C10orf143: variants seen among roughly 807,000 people sequenced by gnomAD.
C10orf143 encodes chromosome 10 open reading frame 143.
chr10:130,048,556 A>G (rs919785181), intron 3 of C10orf143, among the ~76,000 whole-genome samples: 2 of 152,134 alleles, frequency 1.3e-5, no homozygotes, highest in Admixed American at 6.5e-5. Context: ...GATCCATGGG[A>G]GCCCAAAGAA....
intron 3 of C10orf143, among the ~76,000 whole-genome samples, chr10:130,055,584 CAAGAATGTTTGAAAAAATT>C (rs1321269367): frequency 2.6e-5 from 4 of 152,228 alleles, no homozygotes; most frequent in South Asian, 2.1e-4. Context: ...AAAAGTTTGT[CAAGAATGTTTGAAAAAATT>C]AAGAATTATG....
chr10:130,094,619 C>G (rs982062345), intron 1 of C10orf143, among the ~76,000 whole-genome samples: 1 of 152,138 alleles, frequency 6.6e-6, no homozygotes, highest in Non-Finnish European at 1.5e-5. Context: ...GAACCAATGA[C>G]AAAAACCACA....
At chr10:130,058,818 T>G (rs527251856) in intron 3 of C10orf143, among the ~76,000 whole-genome samples, 23 of 149,014 alleles carry the variant, frequency 1.5e-4, no homozygotes, top group African/African-American at 4.2e-4. Context: ...TTTATGTGGG[T>G]TTTTTTTTTG....
intron 3 of C10orf143, among the ~76,000 whole-genome samples, chr10:130,052,915 T>C (rs1342253858): frequency 2.6e-5 from 4 of 152,238 alleles, no homozygotes; most frequent in African/African-American, 9.6e-5. Context: ...GTGGAGGTCA[T>C]TCGTACAGTA....
At chr10:130,097,205 C>A (rs544252393) in intron 1 of C10orf143, among the ~76,000 whole-genome samples, 2 of 152,082 alleles carry the variant, frequency 1.3e-5, no homozygotes, top group South Asian at 4.2e-4. Flanking sequence ...AGTAATTTCC[C>A]CAATGAAGAT....
At chr10:130,068,589 C>G (rs1252796414) in intron 3 of C10orf143, 1 of 103,950 alleles carries the variant, frequency 9.6e-6, no homozygotes, top group African/African-American at 4.1e-5. Context: ...CCAGCGTGGG[C>G]AACGAGAGCA....
intron 3 of C10orf143, among the ~76,000 whole-genome samples, chr10:130,040,583 C>T (rs1028027988): frequency 1.3e-5 from 2 of 152,222 alleles, no homozygotes; most frequent in Non-Finnish European, 2.9e-5. Flanking sequence ...TGCTGGCTCA[C>T]GCCTGGGGAG....
At chr10:130,086,933 A>G (rs1409304852) in intron 1 of C10orf143, among the ~76,000 whole-genome samples, 1 of 152,182 alleles carries the variant, frequency 6.6e-6, no homozygotes, top group Non-Finnish European at 1.5e-5. Flanking sequence ...CTGCAATGAA[A>G]AGCTGACATT....
At chr10:130,100,064 C>T (rs543349327) in intron 1 of C10orf143, among the ~76,000 whole-genome samples, 154 of 151,682 alleles carry the variant, frequency 1.0e-3, no homozygotes, top group African/African-American at 3.6e-3. Flanking sequence ...TCTCGAACTC[C>T]TGACCTTGTG....
At chr10:130,104,800 C>A (rs1861613262) in intron 1 of C10orf143, 1 of 152,330 alleles carries the variant, frequency 6.6e-6, no homozygotes, top group Non-Finnish European at 1.5e-5. Flanking sequence ...TTCCATTAAA[C>A]CTTCCCTGTT....
chr10:130,082,474 T>C (rs1861225278), intron 1 of C10orf143, among the ~76,000 whole-genome samples: 1 of 152,092 alleles, frequency 6.6e-6, no homozygotes, highest in Non-Finnish European at 1.5e-5. Flanking sequence ...AGGGACCCAG[T>C]GGGGGATAAT....
At chr10:130,083,428 C>A (rs192298807) in intron 1 of C10orf143, among the ~76,000 whole-genome samples, 1 of 152,100 alleles carries the variant, frequency 6.6e-6, no homozygotes, top group Non-Finnish European at 1.5e-5. Flanking sequence ...ACACCTCCAA[C>A]GATATGGGAA....
intron 3 of C10orf143, chr10:130,067,589 T>A (rs1032044499): frequency 6.6e-6 from 1 of 152,192 alleles, no homozygotes; most frequent in Non-Finnish European, 1.5e-5. Flanking sequence ...AGGAGTCATT[T>A]TTTCTTCCTT....
chr10:130,053,268 C>T (rs1358886556), intron 3 of C10orf143, among the ~76,000 whole-genome samples: 1 of 152,114 alleles, frequency 6.6e-6, no homozygotes, highest in Non-Finnish European at 1.5e-5. Context: ...ACTATGTTGG[C>T]CAGGATGGTC....
At chr10:130,108,180 G>C in intron 1 of C10orf143, 2 of 1,574,046 alleles carry the variant, frequency 1.3e-6, no homozygotes, top group Non-Finnish European at 1.7e-6. Context: ...CCGTTCATGA[G>C]AAGAGCACCT....
intron 3 of C10orf143, among the ~76,000 whole-genome samples, chr10:130,043,785 A>T (rs976467282): frequency 2.0e-5 from 3 of 152,220 alleles, no homozygotes; most frequent in African/African-American, 7.2e-5. Context: ...TTGGCATAAC[A>T]AGGGCACCGT....
chr10:130,044,899 A>T lies in C10orf143; in HGVS notation c.298-8929T>A, dbSNP rs186774060. Among the ~76,000 whole-genome samples the T allele has an allele frequency of 4.1e-4, 62 of 152,292 alleles. 1 individual carries two copies. The highest frequency in any genetic ancestry group is 2.1e-3 in the Admixed American group (32 of 15,300). ...AACAGCAATGCCCAGCCCTGCGCATAGGTGTGCGGATTGCAAGCAGGGTCC... is the reference window on the plus strand; with the variant it reads ...AACAGCAATGCCCAGCCCTGCGCATTGGTGTGCGGATTGCAAGCAGGGTCC... On this transcript the variant is annotated intron_variant and NMD_transcript_variant, in intron 3 of 5. Coordinates refer to the C10orf143 transcript ENST00000643056.
At chr10:130,040,717 C>T (rs2134722065) in intron 3 of C10orf143, among the ~76,000 whole-genome samples, 1 of 152,224 alleles carries the variant, frequency 6.6e-6, no homozygotes, top group East Asian at 1.9e-4. Context: ...CCTGTAATTC[C>T]AGCTACTCAG....
At chr10:130,063,475 C>T (rs1053998096), downstream of C10orf143, among the ~76,000 whole-genome samples, 2 of 152,178 alleles carry the variant, frequency 1.3e-5, no homozygotes, top group East Asian at 3.9e-4. Flanking sequence ...GGATCTTACC[C>T]AGGCTTAATG....
Sources: allele counts gnomAD v4.1 joint callset (sites outside exome capture counted in the v4.1 genomes callset), GRCh38; gene constraint gnomAD v4.1.1; transcripts MANE v1.5; gene names NCBI Gene and HGNC (gene_info 2026-07-23, HGNC 2026-07-21).